Variants in MGAT5 observed in about 807,000 individuals in gnomAD.
The protein encoded by MGAT5 is alpha-1,6-mannosylglycoprotein 6-beta-N-acetylglucosaminyltransferase A.
MGAT5 carries 30 observed loss-of-function variants against 94.3 expected under a neutral mutation model. That is an observed-to-expected ratio of 0.32 (90% confidence interval 0.24 to 0.43). The LOEUF (loss-of-function observed/expected upper bound fraction) is 0.43, where lower values mean the gene tolerates loss of function less well. Ranked by LOEUF, MGAT5 falls within the 20% of genes least tolerant of loss-of-function variation. The probability of loss-of-function intolerance (pLI) is 1.00; values close to 1 mark genes in which losing one functional copy is unlikely to be tolerated. For missense variants in MGAT5, 691 were observed against 905.5 expected (o/e 0.76, Z 3.04); for synonymous variants, 310 against 322.9 (o/e 0.96, Z 0.43).
intron 1 of MGAT5, among the ~76,000 whole-genome samples, chr2:134,130,637 G>C (rs758808226): frequency 6.6e-6 from 1 of 151,446 alleles, no homozygotes; most frequent in African/African-American, 2.4e-5. Flanking sequence ...TAGCTAGAGG[G>C]TTGTAAATGC....
chr2:134,131,155 G>A (rs990382492), intron 1 of MGAT5, among the ~76,000 whole-genome samples: 9 of 152,158 alleles, frequency 5.9e-5, no homozygotes, highest in Non-Finnish European at 1.3e-4. Context: ...TGAGGCCAGC[G>A]AGCTCACAAA....
chr2:134,323,439 C>A (rs759747225), intron 4 of MGAT5, among the ~76,000 whole-genome samples: 21 of 152,100 alleles, frequency 1.4e-4, no homozygotes, highest in Admixed American at 1.4e-3. Flanking sequence ...TGAAACCAGT[C>A]CCCAACAGAT....
chr2:134,183,969 TA>T (rs1360390340), intron 1 of MGAT5, among the ~76,000 whole-genome samples: 1 of 152,248 alleles, frequency 6.6e-6, no homozygotes, highest in African/African-American at 2.4e-5. Context: ...TTTGTCTCTG[TA>T]AAGTTGCTTT....
intron 1 of MGAT5, among the ~76,000 whole-genome samples, chr2:134,230,765 T>TA (rs556795148): frequency 7.4e-4 from 113 of 152,178 alleles, no homozygotes; most frequent in African/African-American, 2.6e-3. Context: ...AAATGTTAAA[T>TA]ACAGAGTTAT....
intron 10 of MGAT5, among the ~76,000 whole-genome samples, chr2:134,370,666 C>T (rs1415564202): frequency 6.6e-6 from 1 of 152,246 alleles, no homozygotes; most frequent in Non-Finnish European, 1.5e-5. Flanking sequence ...GTTACCTGTG[C>T]CTGTTTTGTG....
chr2:134,324,077 G>C (rs1687500248), intron 4 of MGAT5, among the ~76,000 whole-genome samples: 1 of 152,142 alleles, frequency 6.6e-6, no homozygotes, highest in Non-Finnish European at 1.5e-5. Context: ...GTTGATAGAT[G>C]ATACTGATGT....
chr2:134,149,841 A>G, intron 1 of MGAT5, among the ~76,000 whole-genome samples: 1 of 152,246 alleles, frequency 6.6e-6, no homozygotes, highest in South Asian at 2.1e-4. Flanking sequence ...GGGAGGAAGT[A>G]GAGTTACTGG....
intron 1 of MGAT5, among the ~76,000 whole-genome samples, chr2:134,200,599 T>TA (rs769147744): frequency 6.6e-6 from 1 of 152,254 alleles, no homozygotes; most frequent in Non-Finnish European, 1.5e-5. Flanking sequence ...TTTCTCCATT[T>TA]ATTCACTCAT....
At chr2:134,259,396 G>C (rs1160236214) in intron 1 of MGAT5, among the ~76,000 whole-genome samples, 1 of 152,206 alleles carries the variant, frequency 6.6e-6, no homozygotes, top group African/African-American at 2.4e-5. Context: ...CTGATCCCTA[G>C]TGATCACCTC....
At chr2:134,283,363 T>C (rs977627659) in intron 2 of MGAT5, among the ~76,000 whole-genome samples, 6 of 152,266 alleles carry the variant, frequency 3.9e-5, no homozygotes, top group Non-Finnish European at 8.8e-5. Flanking sequence ...TTTTGGCAAA[T>C]GGTTTTAAGA....
chr2:134,450,254 G>A lies in MGAT5; in HGVS notation c.*1407G>A, dbSNP rs532691677. The A allele has an allele frequency of 6.4e-4, 98 of 152,388 alleles. No homozygotes were observed. The highest frequency in any genetic ancestry group is 6.8e-3 in the Middle Eastern group (2 of 296). The allele number at this position is 152,388 out of a possible 1,614,324, so 9.4% of individuals were successfully genotyped here. ...GAGACCCCTTCTGCCTAATGTGAGCGGTTGGCGTCCTCCACTTGGCCTCTG... is the reference window on the plus strand; with the variant it reads ...GAGACCCCTTCTGCCTAATGTGAGCAGTTGGCGTCCTCCACTTGGCCTCTG... On this transcript the variant is annotated 3_prime_UTR_variant, in exon 16 of 16. Coordinates refer to ENST00000281923, the MANE Select transcript of MGAT5 (RefSeq NM_002410.5).
intron 10 of MGAT5, among the ~76,000 whole-genome samples, chr2:134,374,429 T>TA (rs1681028418): frequency 6.6e-6 from 1 of 152,180 alleles, no homozygotes; most frequent in Non-Finnish European, 1.5e-5. Context: ...GAGTTTTATA[T>TA]AAAAAACACA....
chr2:134,395,140 A>G (rs1197956297), intron 10 of MGAT5, among the ~76,000 whole-genome samples: 3 of 152,230 alleles, frequency 2.0e-5, no homozygotes, highest in African/African-American at 4.8e-5. Context: ...GACCATGCCA[A>G]TCAGAGTAGA....
chr2:134,138,865 T>C (rs1686537898), intron 1 of MGAT5, among the ~76,000 whole-genome samples: 1 of 152,206 alleles, frequency 6.6e-6, no homozygotes, highest in South Asian at 2.1e-4. Context: ...ATGATTATGC[T>C]GGGATAACAG....
At chr2:134,141,105 C>G (rs1262819080) in intron 1 of MGAT5, among the ~76,000 whole-genome samples, 2 of 152,306 alleles carry the variant, frequency 1.3e-5, no homozygotes, top group Non-Finnish European at 2.9e-5. Flanking sequence ...AGAGAGTTAT[C>G]TAGGGTTCCT....
At chr2:134,226,397 A>G (rs1158470188) in intron 1 of MGAT5, among the ~76,000 whole-genome samples, 1 of 152,222 alleles carries the variant, frequency 6.6e-6, no homozygotes, top group Non-Finnish European at 1.5e-5. Context: ...GAGTGTTTGC[A>G]ATCAGCCTAT....
upstream of MGAT5, chr2:134,120,030 C>CT (rs929984792): frequency 2.0e-5 from 3 of 152,744 alleles, no homozygotes; most frequent in African/African-American, 7.3e-5. Context: ...GTCGACTGAG[C>CT]TCCCACAGGA....
At chr2:134,347,361 G>T (rs923132102) in intron 8 of MGAT5, among the ~76,000 whole-genome samples, 2 of 152,146 alleles carry the variant, frequency 1.3e-5, no homozygotes, top group South Asian at 2.1e-4. Flanking sequence ...GCCCAGTGCC[G>T]CATAGCTTAC....
intron 2 of MGAT5, among the ~76,000 whole-genome samples, chr2:134,294,621 C>T (rs1685561931): frequency 6.6e-6 from 1 of 152,170 alleles, no homozygotes; most frequent in Admixed American, 6.5e-5. Context: ...AGTAACTTCT[C>T]TTAGAAGCAA....
Sources: gnomAD v4.1 joint callset for allele counts (sites outside exome capture counted in the v4.1 genomes callset) on GRCh38, gnomAD v4.1.1 for gene constraint, MANE v1.5 for transcripts, NCBI Gene and HGNC (gene_info 2026-07-23, HGNC 2026-07-21) for gene names.